CDH4: variants seen among roughly 807,000 people sequenced by gnomAD.
CDH4 encodes cadherin-4.
A neutral mutation model predicts 86.0 loss-of-function variants in CDH4; 33 were observed. The ratio of observed to expected loss-of-function variants is 0.38; its 90% CI spans 0.29 to 0.51. The LOEUF is 0.51. Ranked by LOEUF, CDH4 falls within the 20% of genes least tolerant of loss-of-function variation. The probability of loss-of-function intolerance (pLI) is 0.86; values close to 1 mark genes in which losing one functional copy is unlikely to be tolerated. For synonymous variants in CDH4, 555 were observed against 549.4 expected (o/e 1.01, Z -0.14); for missense variants, 1,114 against 1,307.4 (o/e 0.85, Z 2.28).
intron 2 of CDH4, among the ~76,000 whole-genome samples, chr20:61,532,365 C>T (rs908350641): frequency 2.6e-5 from 4 of 152,176 alleles, no homozygotes; most frequent in Admixed American, 2.6e-4. Context: ...ACCCTGGCAC[C>T]AGTTCAACAC....
intron 2 of CDH4, among the ~76,000 whole-genome samples, chr20:61,443,459 C>T (rs2085324601): frequency 6.6e-6 from 1 of 152,202 alleles, no homozygotes; most frequent in African/African-American, 2.4e-5. Context: ...TAAATTAAAA[C>T]ATTTAAACAT....
chr20:61,835,227 GT>G (rs1349238916), intron 4 of CDH4, among the ~76,000 whole-genome samples: 1 of 151,554 alleles, frequency 6.6e-6, no homozygotes, highest in African/African-American at 2.4e-5. Flanking sequence ...AGTTGTTGTT[GT>G]TTTTTATTTG....
chr20:61,938,280 G>A lies in CDH4; in HGVS notation c.*1337G>A, dbSNP rs2123032529. The A allele has an allele frequency of 6.6e-6, 1 of 152,450 alleles. No homozygotes were observed. The highest frequency in any genetic ancestry group is 3.4e-3 in the Middle Eastern group (1 of 294). The allele number at this position is 152,450 out of a possible 1,614,324, so 9.4% of individuals were successfully genotyped here. On this transcript the variant is annotated 3_prime_UTR_variant, in exon 16 of 16. Transcript: ENST00000614565. ...GTTGACTCAAGCCAGACAGGGGGAA[G>A]GAATTGGTTCTGCAGGACAGTGAGA...
At chr20:61,391,755 C>G (rs1445478240) in intron 2 of CDH4, among the ~76,000 whole-genome samples, 1 of 152,130 alleles carries the variant, frequency 6.6e-6, no homozygotes, top group African/African-American at 2.4e-5. Flanking sequence ...CGTAGGTGGA[C>G]AAGAAATAAC....
intron 2 of CDH4, among the ~76,000 whole-genome samples, chr20:61,260,575 A>G (rs991803715): frequency 1.5e-4 from 23 of 152,280 alleles, no homozygotes; most frequent in Non-Finnish European, 2.5e-4. Context: ...CTCAGACCCC[A>G]CTGGTGGCTT....
rs965163820 is a variant in CDH4 at position 61,703,346 on chromosome 20, G to T, written c.170-40217G>T. Among the ~76,000 whole-genome samples, 1 of 152,208 alleles carries T rather than the reference G, an allele frequency of 6.6e-6. No individual in the cohort carries two copies. Among genetic ancestry groups the T allele is most frequent in the African/African-American group, 2.4e-5 (1 of 41,460 alleles). On this transcript the variant is annotated intron_variant, in intron 2 of 15. Transcript: ENST00000614565. The surrounding 1 kb of genome is among the most constrained non-coding windows in gnomAD (Gnocchi z 4.3). ...CAGTACACACCACGAGTGTCATGGA[G>T]AAAATAGGCCTGGCAGGATGGACAC...
At chr20:61,272,450 C>T (rs955736561) in intron 2 of CDH4, among the ~76,000 whole-genome samples, 6 of 152,210 alleles carry the variant, frequency 3.9e-5, no homozygotes, top group Non-Finnish European at 8.8e-5. Context: ...ACATCCCTTC[C>T]GTGCAGTTAT....
intron 2 of CDH4, among the ~76,000 whole-genome samples, chr20:61,671,060 G>A (rs1341839255): frequency 6.6e-6 from 1 of 152,186 alleles, no homozygotes; most frequent in African/African-American, 2.4e-5. Flanking sequence ...TATGGCATAA[G>A]GGTGAATGGA....
rs1026495493 is a variant in CDH4 at position 61,534,692 on chromosome 20, T to C, written c.170-208871T>C. Among the ~76,000 whole-genome samples, 7 of 138,268 alleles carry C rather than the reference T, an allele frequency of 5.1e-5. No homozygotes were observed. The Admixed American group carries it at 5.1e-4, about 10-fold the overall frequency. The allele number at this position is 138,268 out of a possible 152,430, so 90.7% of individuals were successfully genotyped here. A position where few individuals can be genotyped will look rare whatever the true frequency, so the allele number is the denominator to read the frequency against. On this transcript the variant is annotated intron_variant, in intron 2 of 15. Transcript: ENST00000614565. ...TTTTTTTTTTTTTTTTTTTTTGAGGTGTTTTCCTAAACTTGTGCCAGCTGT... is the reference window on the plus strand; with the variant it reads ...TTTTTTTTTTTTTTTTTTTTTGAGGCGTTTTCCTAAACTTGTGCCAGCTGT...
chr20:61,282,705 ATG>A (rs2084266607), intron 2 of CDH4, among the ~76,000 whole-genome samples: 1 of 152,216 alleles, frequency 6.6e-6, no homozygotes, highest in East Asian at 1.9e-4. Flanking sequence ...TCAGATGTGC[ATG>A]TGAGTTGGTG....
chr20:61,892,522 G>A (rs1331627912), intron 7 of CDH4, among the ~76,000 whole-genome samples: 1 of 152,202 alleles, frequency 6.6e-6, no homozygotes, highest in East Asian at 1.9e-4. Context: ...ATGCTGGGCT[G>A]GAGGGCTGGG....
chr20:61,612,062 C>T (rs1464824067), intron 2 of CDH4, among the ~76,000 whole-genome samples: 3 of 152,008 alleles, frequency 2.0e-5, no homozygotes, highest in Non-Finnish European at 4.4e-5. Flanking sequence ...TAGCAAGTCT[C>T]CAATCTAGTA....
At chr20:61,845,959 C>T (rs568281274) in intron 5 of CDH4, among the ~76,000 whole-genome samples, 4 of 152,380 alleles carry the variant, frequency 2.6e-5, no homozygotes, top group Admixed American at 1.3e-4. Flanking sequence ...GGGAACCCTC[C>T]GGCTTTTCCA....
chr20:61,627,721 A>G (rs1259971791), intron 2 of CDH4, among the ~76,000 whole-genome samples: 2 of 152,024 alleles, frequency 1.3e-5, no homozygotes, highest in Non-Finnish European at 2.9e-5. Context: ...CTTGAGGCCC[A>G]GGCACTTGGT....
chr20:61,335,988 A>T (rs780668923), intron 2 of CDH4, among the ~76,000 whole-genome samples: 4 of 151,998 alleles, frequency 2.6e-5, no homozygotes, highest in Non-Finnish European at 5.9e-5. Flanking sequence ...CATCATGATC[A>T]CCTCTTAAAC....
chr20:61,347,605 C>T (rs547109613), intron 2 of CDH4, among the ~76,000 whole-genome samples: 5 of 152,162 alleles, frequency 3.3e-5, no homozygotes, highest in Admixed American at 6.5e-5. Flanking sequence ...CTAGTGTGAG[C>T]GCTGAGAGAC....
rs1211824139 is a variant in CDH4 at position 61,894,801 on chromosome 20, C to G, written c.1051-109C>G. On this transcript the variant is annotated intron_variant, in intron 7 of 15. Coordinates refer to ENST00000614565, the MANE Select transcript of CDH4 (RefSeq NM_001794.5). ...GCACACAGCCCCCAGTGAAAGAGAA[C>G]CGGTTCCAGGAACTCCGTTCCTGTA... 4 of 1,237,754 alleles carry G rather than the reference C, an allele frequency of 3.2e-6. No individual in the cohort carries two copies. The African/African-American group carries it at 6.0e-5, about 19-fold the overall frequency. The allele number at this position is 1,237,754 out of a possible 1,614,324, so 76.7% of individuals were successfully genotyped here.
intron 2 of CDH4, among the ~76,000 whole-genome samples, chr20:61,468,126 G>A (rs1443980773): frequency 6.6e-6 from 1 of 152,190 alleles, no homozygotes; most frequent in Non-Finnish European, 1.5e-5. Flanking sequence ...CCATCACCTA[G>A]GGGTGATTGA....
intron 2 of CDH4, among the ~76,000 whole-genome samples, chr20:61,481,939 G>A (rs1448599037): frequency 6.6e-6 from 1 of 151,966 alleles, no homozygotes; most frequent in Non-Finnish European, 1.5e-5. Context: ...CATACATATC[G>A]ATGACTTTGT....
Sources: allele counts gnomAD v4.1 joint callset (sites outside exome capture counted in the v4.1 genomes callset), GRCh38; gene constraint gnomAD v4.1.1; non-coding constraint Gnocchi (gnomAD v3.1); transcripts MANE v1.5; gene names NCBI Gene and HGNC (gene_info 2026-07-23, HGNC 2026-07-21).